C1orf21: variants seen among roughly 807,000 people sequenced by gnomAD.
C1orf21 encodes uncharacterized protein C1orf21.
A neutral mutation model predicts 18.7 loss-of-function variants in C1orf21; 3 were observed. That is an observed-to-expected ratio of 0.16 (90% CI 0.07 to 0.42). C1orf21 has a LOEUF of 0.42. Among genes scored for constraint, C1orf21 ranks in the 10% least tolerant of loss-of-function variants. C1orf21 has a pLI of 0.99. For missense variants in C1orf21, 104 were observed against 143.6 expected (o/e 0.72, Z 1.41); for synonymous variants, 41 against 46.4 (o/e 0.88, Z 0.47).
chr1:184,417,891 A>T (rs764036094), intron 1 of C1orf21, among the ~76,000 whole-genome samples: 8 of 152,120 alleles, frequency 5.3e-5, no homozygotes, highest in Non-Finnish European at 1.0e-4. Context: ...CTGACAGGGG[A>T]TGGGGTATCG....
chr1:184,542,172 G>A (rs1658662182), intron 3 of C1orf21, among the ~76,000 whole-genome samples: 1 of 152,180 alleles, frequency 6.6e-6, no homozygotes, highest in Non-Finnish European at 1.5e-5. Context: ...CCCTTCTGCA[G>A]GGTCTCACGT....
chr1:184,476,448 C>T (rs1219468836), intron 1 of C1orf21, among the ~76,000 whole-genome samples: 1 of 152,014 alleles, frequency 6.6e-6, no homozygotes. Flanking sequence ...TGGAGTAAGT[C>T]ATCTATAGGC....
chr1:184,515,080 T>C (rs1462761519), intron 3 of C1orf21, among the ~76,000 whole-genome samples: 1 of 152,174 alleles, frequency 6.6e-6, no homozygotes, highest in Non-Finnish European at 1.5e-5. Context: ...TGGGAAGTTA[T>C]GAAAATTAAA....
At chr1:184,592,704 A>G (rs1267034207) in intron 4 of C1orf21, among the ~76,000 whole-genome samples, 1 of 151,852 alleles carries the variant, frequency 6.6e-6, no homozygotes, top group African/African-American at 2.4e-5. Flanking sequence ...AGAAGAAGGT[A>G]TGTTATCTCT....
intron 1 of C1orf21, among the ~76,000 whole-genome samples, chr1:184,390,522 C>G (rs980825206): frequency 3.9e-5 from 6 of 152,130 alleles, no homozygotes; most frequent in African/African-American, 1.4e-4. Flanking sequence ...TACATCTAGT[C>G]AATCAGAATT....
At chr1:184,555,522 C>A (rs1310455697) in intron 3 of C1orf21, among the ~76,000 whole-genome samples, 1 of 141,890 alleles carries the variant, frequency 7.0e-6, no homozygotes, top group Non-Finnish European at 1.5e-5. Context: ...ATAGCACACA[C>A]ACCCCCACAC....
intron 1 of C1orf21, among the ~76,000 whole-genome samples, chr1:184,411,486 ATC>A (rs961448142): frequency 5.7e-5 from 8 of 140,914 alleles, no homozygotes; most frequent in Non-Finnish European, 9.0e-5. Flanking sequence ...CAGTGGTGCA[ATC>A]TCGGCTCACT....
chr1:184,572,645 G>T (rs974829567), intron 3 of C1orf21, among the ~76,000 whole-genome samples: 6 of 152,106 alleles, frequency 3.9e-5, no homozygotes, highest in African/African-American at 1.4e-4. Flanking sequence ...ATCCATGCAA[G>T]ATTTTTTTTA....
chr1:184,463,269 G>A (rs1657336121), intron 1 of C1orf21, among the ~76,000 whole-genome samples: 1 of 151,980 alleles, frequency 6.6e-6, no homozygotes, highest in South Asian at 2.1e-4. Context: ...GGCTTGGGAT[G>A]TCAGTCTAGG....
chr1:184,514,034 T>C (rs1266244445), intron 3 of C1orf21, among the ~76,000 whole-genome samples: 1 of 152,216 alleles, frequency 6.6e-6, no homozygotes, highest in Admixed American at 6.5e-5. Flanking sequence ...CGGTGGCTCA[T>C]GCCTATAATT....
At chr1:184,434,630 C>T (rs1656828649) in intron 1 of C1orf21, among the ~76,000 whole-genome samples, 1 of 152,020 alleles carries the variant, frequency 6.6e-6, no homozygotes, top group African/African-American at 2.4e-5. Context: ...CCTCCAAGGG[C>T]CCCTGTGAGT....
intron 1 of C1orf21, among the ~76,000 whole-genome samples, chr1:184,453,279 TC>T (rs758451109): frequency 6.6e-6 from 1 of 152,214 alleles, no homozygotes; most frequent in Non-Finnish European, 1.5e-5. Flanking sequence ...GATATTTGCA[TC>T]CTTGCGGTCC....
intron 1 of C1orf21, among the ~76,000 whole-genome samples, chr1:184,405,938 C>T (rs115300035): frequency 6.6e-6 from 1 of 152,202 alleles, no homozygotes; most frequent in South Asian, 2.1e-4. Flanking sequence ...GTGTGCCTCT[C>T]CAAGCCCCAG....
intron 2 of C1orf21, among the ~76,000 whole-genome samples, chr1:184,480,836 C>A (rs541744979): frequency 6.6e-6 from 1 of 152,120 alleles, no homozygotes; most frequent in East Asian, 1.9e-4. Flanking sequence ...CTGCGTGACT[C>A]GCTTTCGTGC....
intron 1 of C1orf21, among the ~76,000 whole-genome samples, chr1:184,425,405 A>G (rs1438219049): frequency 3.3e-5 from 5 of 151,944 alleles, no homozygotes; most frequent in Non-Finnish European, 1.5e-5. Flanking sequence ...AGCTGAGACT[A>G]CAGGCATGTG....
At chr1:184,422,338 A>G (rs1656558775) in intron 1 of C1orf21, among the ~76,000 whole-genome samples, 1 of 152,254 alleles carries the variant, frequency 6.6e-6, no homozygotes, top group African/African-American at 2.4e-5. Flanking sequence ...CTCTTGGTCA[A>G]GTAGCTTAAT....
chr1:184,431,763 A>G (rs1274812245), intron 1 of C1orf21, among the ~76,000 whole-genome samples: 119 of 152,214 alleles, frequency 7.8e-4, no homozygotes, highest in Non-Finnish European at 1.5e-4. Flanking sequence ...GAACTGAAAC[A>G]AATTTACAAG....
At chr1:184,454,871 T>C (rs1452396313) in intron 1 of C1orf21, among the ~76,000 whole-genome samples, 2 of 152,178 alleles carry the variant, frequency 1.3e-5, no homozygotes, top group Non-Finnish European at 2.9e-5. Flanking sequence ...AGCAGTGCTA[T>C]ATAGATATAT....
At chr1:184,542,131 A>C (rs537987855) in intron 3 of C1orf21, among the ~76,000 whole-genome samples, 7 of 152,296 alleles carry the variant, frequency 4.6e-5, no homozygotes, top group African/African-American at 1.7e-4. Flanking sequence ...AGCCACATAG[A>C]GTTGCCTAAA....
Sources: gnomAD v4.1 joint callset for allele counts (sites outside exome capture counted in the v4.1 genomes callset) on GRCh38, gnomAD v4.1.1 for gene constraint, MANE v1.5 for transcripts, NCBI Gene and HGNC (gene_info 2026-07-23, HGNC 2026-07-21) for gene names.